The following PLCB1 variants were observed in gnomAD, a reference collection of about 807,000 sequenced individuals.
The protein encoded by PLCB1 is phospholipase C beta 1, also known as 1-phosphatidylinositol 4,5-bisphosphate phosphodiesterase beta-1.
A neutral mutation model predicts 161.8 loss-of-function variants in PLCB1; 46 were observed. That is an observed-to-expected ratio of 0.28 (90% CI 0.22 to 0.36). The LOEUF (loss-of-function observed/expected upper bound fraction) is 0.36, where lower values mean the gene tolerates loss of function less well. Among genes scored for constraint, PLCB1 ranks in the 10% least tolerant of loss-of-function variants. The pLI is 1.00. For synonymous variants in PLCB1, 517 were observed against 503.7 expected, an observed-to-expected ratio of 1.03 and a Z score of -0.35; for missense variants, 1,016 against 1,472.5, an observed-to-expected ratio of 0.69 and a Z score of 5.07.
intron 3 of PLCB1, among the ~76,000 whole-genome samples, chr20:8,421,162 T>C (rs1432994646): frequency 2.0e-5 from 3 of 152,202 alleles, no homozygotes; most frequent in South Asian, 2.1e-4. Flanking sequence ...TGTGAGCTCA[T>C]TGATGTAATG....
intron 23 of PLCB1, among the ~76,000 whole-genome samples, chr20:8,754,287 G>T (rs1981627664): frequency 6.6e-6 from 1 of 151,450 alleles, no homozygotes; most frequent in South Asian, 2.1e-4. Flanking sequence ...AGGGCATACA[G>T]CTACATGGAG....
intron 14 of PLCB1, among the ~76,000 whole-genome samples, chr20:8,720,411 C>G (rs573973053): frequency 6.6e-6 from 1 of 152,234 alleles, no homozygotes; most frequent in African/African-American, 2.4e-5. Context: ...TATGTAGGTA[C>G]CTGAATAAAG....
chr20:8,609,503 A>G (rs948078878), intron 3 of PLCB1, among the ~76,000 whole-genome samples: 1 of 152,208 alleles, frequency 6.6e-6, no homozygotes, highest in Non-Finnish European at 1.5e-5. Context: ...CAACGCATCT[A>G]TCTAGTCAGT....
intron 3 of PLCB1, among the ~76,000 whole-genome samples, chr20:8,572,554 T>C: frequency 6.6e-6 from 1 of 152,202 alleles, no homozygotes; most frequent in South Asian, 2.1e-4. Flanking sequence ...TTGAGCCTCA[T>C]TGAACTCTCA....
At chr20:8,332,252 A>G (rs1476639678) in intron 2 of PLCB1, among the ~76,000 whole-genome samples, 3 of 152,220 alleles carry the variant, frequency 2.0e-5, no homozygotes, top group Non-Finnish European at 2.9e-5. Context: ...GGGATGATTC[A>G]TCGACACTTG....
At chr20:8,625,592 C>T (rs1452377534) in intron 3 of PLCB1, among the ~76,000 whole-genome samples, 1 of 152,136 alleles carries the variant, frequency 6.6e-6, no homozygotes, top group Non-Finnish European at 1.5e-5. Flanking sequence ...AGAAACTTGG[C>T]TTGTTACATA....
intron 16 of PLCB1, among the ~76,000 whole-genome samples, chr20:8,725,046 A>T (rs1278684503): frequency 6.6e-6 from 1 of 152,146 alleles, no homozygotes; most frequent in African/African-American, 2.4e-5. Context: ...AGTACAACTA[A>T]TTGGGAATTG....
rs1056337465 is a variant in PLCB1 at position 8,346,904 on chromosome 20, G to A, written c.178-24478G>A. Among the ~76,000 whole-genome samples the A allele has an allele frequency of 2.0e-5, 3 of 152,218 alleles. 1 individual carries two copies. Among genetic ancestry groups the A allele is most frequent in the Non-Finnish European group, 4.4e-5 (3 of 68,028 alleles). ...ACAGGAATCATCTGAAAGATAAGAA[G>A]TAAATGCATAACTCAGTGGAAAGCT... On this transcript the variant is annotated intron_variant, in intron 2 of 31. Coordinates refer to ENST00000338037, the MANE Select transcript of PLCB1 (RefSeq NM_015192.4).
At position 8,607,067 on chromosome 20, in the gene PLCB1, T is replaced by G. The variant is rs370302912; in HGVS notation, c.247-21227T>G. Among the ~76,000 whole-genome samples, 15 of 152,292 alleles carry G rather than the reference T, an allele frequency of 9.8e-5. No individual in the cohort carries two copies. In the South Asian group the frequency reaches 2.9e-3, roughly 30 times the overall value. On this transcript the variant is annotated intron_variant, in intron 3 of 31. Transcript: ENST00000338037. Reference sequence around the variant, plus strand: ...AAATAACAACACAGTACCCCCCATTTATAATGCCAAAACCAGGGAATTCTC... The same window carrying G: ...AAATAACAACACAGTACCCCCCATTGATAATGCCAAAACCAGGGAATTCTC...
At chr20:8,239,798 A>G (rs1395608626) in intron 2 of PLCB1, among the ~76,000 whole-genome samples, 2 of 152,038 alleles carry the variant, frequency 1.3e-5, no homozygotes, top group African/African-American at 4.8e-5. Flanking sequence ...TTCAGTTCAC[A>G]AAGAGCCTTA....
chr20:8,589,440 C>A (rs1987082515), intron 3 of PLCB1, among the ~76,000 whole-genome samples: 1 of 151,970 alleles, frequency 6.6e-6, no homozygotes, highest in South Asian at 2.1e-4. Flanking sequence ...TTACAAACAA[C>A]ACAAATTTAT....
chr20:8,718,334 A>G (rs993763339), intron 14 of PLCB1, among the ~76,000 whole-genome samples: 1 of 152,198 alleles, frequency 6.6e-6, no homozygotes, highest in African/African-American at 2.4e-5. Flanking sequence ...AGCGGCTTAA[A>G]CCAGCACAAA....
chr20:8,832,228 A>T (rs941744104), intron 31 of PLCB1, among the ~76,000 whole-genome samples: 11 of 152,176 alleles, frequency 7.2e-5, no homozygotes, highest in Non-Finnish European at 1.3e-4. Context: ...CAGCAAAAAG[A>T]AACTATTTCT....
intron 3 of PLCB1, among the ~76,000 whole-genome samples, chr20:8,469,488 T>G (rs1217532513): frequency 6.6e-6 from 1 of 152,134 alleles, no homozygotes; most frequent in Non-Finnish European, 1.5e-5. Context: ...ATTTAGGTCT[T>G]TGATTGATGT....
At chr20:8,803,294 A>G (rs73600208) in intron 31 of PLCB1, among the ~76,000 whole-genome samples, 1 of 152,076 alleles carries the variant, frequency 6.6e-6, no homozygotes, top group East Asian at 1.9e-4. Context: ...CCACAGTTCC[A>G]GGGAGCACAT....
At position 8,150,327 on chromosome 20, in the gene PLCB1, A is replaced by G; in HGVS notation, c.133A>G (p.Thr45Ala). 6.4e-7 allele frequency: 1 copy of G among 1,563,102 alleles called. No individual in the cohort carries two copies. The highest frequency in any genetic ancestry group is 8.8e-7 in the Non-Finnish European group (1 of 1,140,068). ...STIVTPIILR[T>A]DPQGFFFYWT... ...TATTGTTACTCCAATTATTTTGAGG[A>G]CTGACCCTCAGGGATTTTTCTTTTA... The change falls in exon 2 of 32, where the codon ACT becomes GCT. Residue 45 changes from threonine to alanine, a missense_variant. Thr to Ala is a moderately conservative substitution (Grantham distance 58). This residue lies in a region of PLCB1 where 181 missense variants were observed against 236.7 expected (regional missense o/e 0.76). Transcript: ENST00000338037.
chr20:8,399,837 C>T (rs1049159743), intron 3 of PLCB1, among the ~76,000 whole-genome samples: 7 of 151,658 alleles, frequency 4.6e-5, no homozygotes, highest in African/African-American at 1.5e-4. Flanking sequence ...CACAAAGTCC[C>T]GAAAATAAAA....
At chr20:8,558,826 A>G (rs1412017378) in intron 3 of PLCB1, among the ~76,000 whole-genome samples, 5 of 151,934 alleles carry the variant, frequency 3.3e-5, no homozygotes, top group African/African-American at 9.7e-5. Flanking sequence ...GTCAACCAAG[A>G]ATTGTATACC....
intron 3 of PLCB1, among the ~76,000 whole-genome samples, chr20:8,373,970 T>C (rs1986988287): frequency 6.6e-6 from 1 of 152,174 alleles, no homozygotes; most frequent in African/African-American, 2.4e-5. Context: ...TTCAGCGGAA[T>C]TGCCAGGTTC....
Sources: allele counts gnomAD v4.1 joint callset (sites outside exome capture counted in the v4.1 genomes callset), GRCh38; gene constraint gnomAD v4.1.1; regional missense constraint gnomAD v4.1.1; transcripts MANE v1.5; gene names NCBI Gene and HGNC (gene_info 2026-07-23, HGNC 2026-07-21).